The following RIMS2 variants were observed in gnomAD, a reference collection of about 807,000 sequenced individuals.
RIMS2 encodes regulating synaptic membrane exocytosis 2.
Under a neutral mutation model 174.4 loss-of-function variants are expected in RIMS2, and 59 were observed. The ratio of observed to expected loss-of-function variants is 0.34; its 90% confidence interval spans 0.27 to 0.42. The LOEUF is 0.42. Among genes scored for constraint, RIMS2 ranks in the 10% least tolerant of loss-of-function variants. The pLI is 1.00. For synonymous variants in RIMS2, 606 were observed against 572.5 expected, an observed-to-expected ratio of 1.06 and a Z score of -0.84; for missense variants, 1,620 against 1,666.3, an observed-to-expected ratio of 0.97 and a Z score of 0.48.
At chr8:104,213,741 G>T (rs1023160859) in intron 19 of RIMS2, among the ~76,000 whole-genome samples, 5 of 152,034 alleles carry the variant, frequency 3.3e-5, no homozygotes, top group Non-Finnish European at 7.4e-5. Context: ...GTTGGGCGTG[G>T]TGGCACGCGC....
intron 19 of RIMS2, among the ~76,000 whole-genome samples, chr8:104,084,437 C>CAAA (rs34285862): frequency 0.23 from 17,193 of 76,396 alleles, 2,118 homozygotes; most frequent in South Asian, 0.34. Context: ...GACTCTGTCT[C>CAAA]AAAAAAAAAA....
intron 2 of RIMS2, among the ~76,000 whole-genome samples, chr8:103,721,378 G>C (rs1422877712): frequency 6.6e-6 from 1 of 151,874 alleles, no homozygotes; most frequent in Non-Finnish European, 1.5e-5. Context: ...CTATAAAAAG[G>C]GATTAAAAAT....
chr8:104,082,497 A>G (rs1315518655), intron 19 of RIMS2, among the ~76,000 whole-genome samples: 2 of 152,186 alleles, frequency 1.3e-5, no homozygotes, highest in Non-Finnish European at 2.9e-5. Context: ...GAGAGAGCTT[A>G]AACAAAGTTA....
intron 19 of RIMS2, among the ~76,000 whole-genome samples, chr8:104,082,328 C>T (rs1010803339): frequency 2.0e-5 from 3 of 152,010 alleles, no homozygotes; most frequent in Non-Finnish European, 4.4e-5. Flanking sequence ...AACGCATGTA[C>T]ATAAGTAATG....
chr8:104,084,181 C>T (rs1052175862), intron 19 of RIMS2, among the ~76,000 whole-genome samples: 1 of 151,968 alleles, frequency 6.6e-6, no homozygotes, highest in Non-Finnish European at 1.5e-5. Flanking sequence ...TGGCTCATGC[C>T]TGTAATCCCA....
chr8:104,112,766 C>G (rs1248472056), intron 19 of RIMS2, among the ~76,000 whole-genome samples: 2 of 152,118 alleles, frequency 1.3e-5, no homozygotes. Flanking sequence ...ACTGCTGTAT[C>G]CCCAGTGCCT....
In RIMS2 at chr8:104,148,977, A is replaced by G. The variant is rs566800179; in HGVS notation, c.3335-95939A>G. ...ATGTTCCAGAGGGAAAGGGCATTTT[A>G]AACTAGTTAACCTTTCTGAAATCAA... On this transcript the variant is annotated intron_variant, in intron 19 of 23. Transcript: ENST00000504942. 1.1e-5 allele frequency: 10 copies of G among 913,316 alleles called. No homozygotes were observed. The East Asian group carries it at 2.5e-4, about 23-fold the overall frequency. The allele number at this position is 913,316 out of a possible 1,614,324, so 56.6% of individuals were successfully genotyped here.
At chr8:103,716,129 T>G (rs985782907) in intron 2 of RIMS2, among the ~76,000 whole-genome samples, 180 bp from the exon 5 acceptor site, 4 of 151,962 alleles carry the variant, frequency 2.6e-5, no homozygotes, top group Admixed American at 6.6e-5. Flanking sequence ...TCCCCTAAAA[T>G]TTTTTAAAAT....
intron 19 of RIMS2, among the ~76,000 whole-genome samples, chr8:104,092,151 A>G (rs1291942504): frequency 1.3e-5 from 2 of 151,810 alleles, no homozygotes; most frequent in Admixed American, 6.6e-5. Flanking sequence ...GATCACTTAT[A>G]TCGGATCTAC....
At chr8:103,725,834 ACT>A (rs1188770400) in intron 2 of RIMS2, among the ~76,000 whole-genome samples, 1 of 152,202 alleles carries the variant, frequency 6.6e-6, no homozygotes, top group African/African-American at 2.4e-5. Context: ...AAATATGAAC[ACT>A]CTGGTTGCTC....
At chr8:103,779,853 G>T (rs1265427058) in intron 3 of RIMS2, among the ~76,000 whole-genome samples, 1 of 150,756 alleles carries the variant, frequency 6.6e-6, no homozygotes, top group East Asian at 2.0e-4. Flanking sequence ...ATATACATAC[G>T]TAACAAACCT....
intron 2 of RIMS2, among the ~76,000 whole-genome samples, chr8:103,728,468 G>A (rs999683264): frequency 1.7e-4 from 26 of 151,904 alleles, no homozygotes; most frequent in Admixed American, 1.7e-3. Flanking sequence ...GTACTATGTT[G>A]AATAACAGTG....
At chr8:104,111,851 G>A (rs1381811019) in intron 19 of RIMS2, among the ~76,000 whole-genome samples, 1 of 152,142 alleles carries the variant, frequency 6.6e-6, no homozygotes, top group Admixed American at 6.5e-5. Flanking sequence ...GTGTGTCTAT[G>A]TATACATGTG....
chr8:103,868,074 A>C (rs2099092105), intron 3 of RIMS2, among the ~76,000 whole-genome samples: 2 of 152,014 alleles, frequency 1.3e-5, no homozygotes, highest in African/African-American at 4.8e-5. Flanking sequence ...CATTTATTAG[A>C]CATCTTTTGT....
chr8:104,070,863 G>GA (rs897187215), intron 19 of RIMS2, among the ~76,000 whole-genome samples: 16 of 151,988 alleles, frequency 1.1e-4, no homozygotes, highest in South Asian at 2.1e-4. Flanking sequence ...TAAAGTCTGT[G>GA]AAAAAAATGT....
At chr8:103,571,985 G>A (rs1359764666) in intron 1 of RIMS2, among the ~76,000 whole-genome samples, 1 of 152,158 alleles carries the variant, frequency 6.6e-6, no homozygotes, top group Non-Finnish European at 1.5e-5. Context: ...GTCCAGCATT[G>A]GTTCCTTCCG....
At chr8:103,786,418 A>G (rs1490373757) in intron 3 of RIMS2, among the ~76,000 whole-genome samples, 1 of 151,116 alleles carries the variant, frequency 6.6e-6, no homozygotes, top group Non-Finnish European at 1.5e-5. Context: ...AGTGCTATAA[A>G]TTTCCCTCTA....
chr8:104,036,643 C>A (rs1382379803), intron 19 of RIMS2, among the ~76,000 whole-genome samples: 2 of 151,960 alleles, frequency 1.3e-5, no homozygotes, highest in South Asian at 2.1e-4. Flanking sequence ...CTTTAGGAGG[C>A]CGAGGTGGGC....
chr8:103,942,902 G>A, exon 14 of RIMS2: 1 of 1,611,988 alleles, frequency 6.2e-7, no homozygotes, highest in Non-Finnish European at 8.5e-7. Context: ...GCTCCATGGA[G>A]AGAGCCCAAC....
Sources: gnomAD v4.1 joint callset for allele counts (sites outside exome capture counted in the v4.1 genomes callset) on GRCh38, gnomAD v4.1.1 for gene constraint, MANE v1.5 for transcripts, NCBI Gene and HGNC (gene_info 2026-07-23, HGNC 2026-07-21) for gene names.